GINM1: variants seen among roughly 807,000 people sequenced by gnomAD.
GINM1 encodes glycoprotein integral membrane protein 1.
Under a neutral mutation model 37.8 loss-of-function variants are expected in GINM1, and 29 were observed. That is an observed-to-expected ratio of 0.77 (90% CI 0.57 to 1.05). The LOEUF (loss-of-function observed/expected upper bound fraction) is 1.05, where lower values mean the gene tolerates loss of function less well. GINM1 is among the 50% of genes least tolerant of loss of function. The pLI, the probability that GINM1 is intolerant of heterozygous loss-of-function variation, is 0.00. For missense variants in GINM1, 377 were observed against 397.9 expected (o/e 0.95, Z 0.45); for synonymous variants, 143 against 146.2 (o/e 0.98, Z 0.16).
chr6:149,574,047 ATTTTTTT>A (rs35023561), intron 3 of GINM1, among the ~76,000 whole-genome samples: 3 of 129,340 alleles, frequency 2.3e-5, no homozygotes, highest in Non-Finnish European at 4.8e-5. Context: ...TATACATAGG[ATTTTTTT>A]TTTTTTTTTT....
At chr6:149,573,369 C>T (rs1777859267) in intron 3 of GINM1, among the ~76,000 whole-genome samples, 1 of 148,106 alleles carries the variant, frequency 6.8e-6, no homozygotes, top group African/African-American at 2.5e-5. Flanking sequence ...TTTGAGGCTG[C>T]AGTGAGCTAT....
chr6:149,571,839 TTG>T (rs1777827008), intron 1 of GINM1, among the ~76,000 whole-genome samples: 1 of 152,070 alleles, frequency 6.6e-6, no homozygotes, highest in East Asian at 1.9e-4. Flanking sequence ...TTCCAGCACT[TTG>T]GGAGGCCGAG....
At chr6:149,582,711 A>C (rs961476956) in intron 7 of GINM1, 108 bp downstream of exon 7, 20 of 751,178 alleles carry the variant, frequency 2.7e-5, no homozygotes, top group Non-Finnish European at 8.1e-6. Flanking sequence ...GGGTAAGACA[A>C]ATGGGAGGGA....
chr6:149,588,345 C>T (rs575265055), intron 7 of GINM1, among the ~76,000 whole-genome samples: 13 of 152,296 alleles, frequency 8.5e-5, no homozygotes, highest in African/African-American at 1.7e-4. Context: ...GACTTGCTTA[C>T]GTAGAGCCTC....
chr6:149,585,038 G>A (rs1026111382), intron 7 of GINM1, among the ~76,000 whole-genome samples: 5 of 152,098 alleles, frequency 3.3e-5, no homozygotes, highest in Admixed American at 2.0e-4. Context: ...GATTAGGGAT[G>A]CTTGACCTGT....
In GINM1 at chr6:149,566,560, C is replaced by A; in HGVS notation, c.120+26C>A. On this transcript the variant is annotated intron_variant, in intron 1 of 7. Transcript: ENST00000367419. The surrounding 1 kb of genome is among the most constrained non-coding windows in gnomAD (Gnocchi z 4.4). Reference sequence around the variant, plus strand: ...GTAGGGCAGGGCGGGCCTGGCTGGCCGCTTTACGACTCCGACTCTCCGGGA... The same window carrying A: ...GTAGGGCAGGGCGGGCCTGGCTGGCAGCTTTACGACTCCGACTCTCCGGGA... 6.8e-7 allele frequency: 1 copy of A among 1,470,422 alleles called. No individual in the cohort carries two copies. The highest frequency in any genetic ancestry group is 1.3e-5 in the South Asian group (1 of 77,502). The allele number at this position is 1,470,422 out of a possible 1,614,324, so 91.1% of individuals were successfully genotyped here.
At chr6:149,575,001 C>G (rs1777892879) in intron 3 of GINM1, among the ~76,000 whole-genome samples, 1 of 152,144 alleles carries the variant, frequency 6.6e-6, no homozygotes, top group Non-Finnish European at 1.5e-5. Flanking sequence ...TATTTTAACT[C>G]TTTGTGTTCT....
intron 7 of GINM1, among the ~76,000 whole-genome samples, chr6:149,585,652 G>T (rs1431670578): frequency 6.6e-6 from 1 of 151,904 alleles, no homozygotes; most frequent in Non-Finnish European, 1.5e-5. Flanking sequence ...AAGTGCAGTG[G>T]CACAATCTCG....
chr6:149,588,914 A>T (rs1306521967), intron 7 of GINM1, among the ~76,000 whole-genome samples: 2 of 151,556 alleles, frequency 1.3e-5, no homozygotes, highest in African/African-American at 4.9e-5. Context: ...AGCAATTCTC[A>T]TGCCTCAGCC....
intron 7 of GINM1, among the ~76,000 whole-genome samples, chr6:149,587,267 A>C (rs768890805): frequency 3.9e-5 from 6 of 152,194 alleles, no homozygotes; most frequent in Non-Finnish European, 8.8e-5. Context: ...TTTCACCACC[A>C]ATAACTAATT....
chr6:149,568,928 T>G (rs1777764978), intron 1 of GINM1, among the ~76,000 whole-genome samples: 1 of 152,084 alleles, frequency 6.6e-6, no homozygotes, highest in African/African-American at 2.4e-5. Flanking sequence ...GCCTCCCAGG[T>G]TCAAGTGATT....
chr6:149,577,204 A>G (rs1777926379), intron 3 of GINM1, among the ~76,000 whole-genome samples: 2 of 152,342 alleles, frequency 1.3e-5, no homozygotes, highest in South Asian at 2.1e-4. Context: ...AAGAATTGCC[A>G]CTTGGGTGTA....
At chr6:149,579,058 G>A in intron 4 of GINM1, 85 bp downstream of exon 4, 1 of 827,296 alleles carries the variant, frequency 1.2e-6, no homozygotes, top group Non-Finnish European at 1.8e-6. Flanking sequence ...TATTTTATTT[G>A]TTTCCGACTT....
chr6:149,579,742 G>A, intron 4 of GINM1, 92 bp from the exon 5 acceptor site: 1 of 685,508 alleles, frequency 1.5e-6, no homozygotes, highest in Non-Finnish European at 2.4e-6. Flanking sequence ...ACATGTTTTA[G>A]TTATATAAAT....
At chr6:149,570,086 T>C (rs1777786468) in intron 1 of GINM1, among the ~76,000 whole-genome samples, 2 of 139,080 alleles carry the variant, frequency 1.4e-5, no homozygotes, top group Non-Finnish European at 3.1e-5. Context: ...ATAGTGTGCT[T>C]GTGTCTGTTA....
At chr6:149,582,913 A>G (rs546568085) in intron 7 of GINM1, among the ~76,000 whole-genome samples, 17 of 152,366 alleles carry the variant, frequency 1.1e-4, no homozygotes, top group East Asian at 5.8e-4. Flanking sequence ...CAACTGTATG[A>G]TCAGAGGTGA....
chr6:149,570,609 T>C (rs1350454225), intron 1 of GINM1, among the ~76,000 whole-genome samples: 16 of 152,128 alleles, frequency 1.1e-4, no homozygotes, highest in Non-Finnish European at 2.4e-4. Context: ...TGGAATCAGC[T>C]CGACCTCATG....
chr6:149,582,748 C>T (rs1778020881), intron 7 of GINM1, 145 bp downstream of exon 7: 1 of 574,290 alleles, frequency 1.7e-6, no homozygotes, highest in East Asian at 3.2e-5. Context: ...TTTTCTAGCT[C>T]ATCTTCCAAT....
At chr6:149,574,687 C>T (rs952510325) in intron 3 of GINM1, among the ~76,000 whole-genome samples, 4 of 151,964 alleles carry the variant, frequency 2.6e-5, no homozygotes, top group African/African-American at 4.8e-5. Context: ...TCTGGGAGTT[C>T]GAGACCAGCC....
Sources: allele counts gnomAD v4.1 joint callset (sites outside exome capture counted in the v4.1 genomes callset), GRCh38; gene constraint gnomAD v4.1.1; non-coding constraint Gnocchi (gnomAD v3.1); transcripts MANE v1.5; gene names NCBI Gene and HGNC (gene_info 2026-07-23, HGNC 2026-07-21).